The following VPS13B variants were observed in gnomAD, a reference collection of about 807,000 sequenced individuals.
The protein encoded by VPS13B is vacuolar protein sorting 13 homolog B, also known as intermembrane lipid transfer protein VPS13B.
A neutral mutation model predicts 426.4 loss-of-function variants in VPS13B; 285 were observed. The observed-to-expected ratio is 0.67, with a 90% CI of 0.61 to 0.74. VPS13B has a LOEUF of 0.74. Ranked by LOEUF, VPS13B falls within the 30% of genes least tolerant of loss-of-function variation. VPS13B has a pLI of 0.00. For synonymous variants in VPS13B, 1,676 were observed against 1,676.4 expected (o/e 1.00, Z 0.01); for missense variants, 4,537 against 4,782.6 (o/e 0.95, Z 1.51).
intron 16 of VPS13B, among the ~76,000 whole-genome samples, chr8:99,176,760 A>C (rs1241548466): frequency 6.6e-6 from 1 of 152,212 alleles, no homozygotes; most frequent in South Asian, 2.1e-4. Flanking sequence ...CAGGATTGCT[A>C]TAAGAAAGGA....
At chr8:99,786,134 T>C (rs1253161741) in intron 43 of VPS13B, among the ~76,000 whole-genome samples, 1 of 152,046 alleles carries the variant, frequency 6.6e-6, no homozygotes, top group Non-Finnish European at 1.5e-5. Context: ...AGCAGTAGTC[T>C]TCATGCTATA....
At chr8:99,554,031 A>G (rs1174144492) in intron 30 of VPS13B, among the ~76,000 whole-genome samples, 2 of 149,384 alleles carry the variant, frequency 1.3e-5, no homozygotes, top group Non-Finnish European at 3.0e-5. Flanking sequence ...TTTAAGTCCA[A>G]AAAAAAAATG....
At chr8:99,745,712 G>A (rs1810047330) in intron 39 of VPS13B, among the ~76,000 whole-genome samples, 1 of 152,032 alleles carries the variant, frequency 6.6e-6, no homozygotes, top group Admixed American at 6.6e-5. Flanking sequence ...TGTAATTAGT[G>A]TAATAAACTC....
At chr8:99,870,456 C>CCTAT (rs756814801) in intron 59 of VPS13B, among the ~76,000 whole-genome samples, 11 of 152,166 alleles carry the variant, frequency 7.2e-5, no homozygotes, top group Admixed American at 2.0e-4. Flanking sequence ...CCACACCAGA[C>CCTAT]CTATCTAGAC....
chr8:99,277,935 G>A (rs917750482), intron 19 of VPS13B, among the ~76,000 whole-genome samples: 1 of 152,160 alleles, frequency 6.6e-6, no homozygotes, highest in African/African-American at 2.4e-5. Flanking sequence ...GCTTTTTGAA[G>A]TTGAAGTATC....
intron 17 of VPS13B, among the ~76,000 whole-genome samples, chr8:99,242,557 G>T (rs1816990671): frequency 6.6e-6 from 1 of 152,040 alleles, no homozygotes; most frequent in African/African-American, 2.4e-5. Flanking sequence ...TTTCTTATTA[G>T]AAAATTTTAA....
At chr8:99,844,966 G>A (rs1440646406) in intron 54 of VPS13B, among the ~76,000 whole-genome samples, 5 of 152,072 alleles carry the variant, frequency 3.3e-5, no homozygotes, top group Non-Finnish European at 7.4e-5. Flanking sequence ...CTGATGCTTG[G>A]TTTTCAGACC....
At chr8:99,821,137 C>T (rs1315587383) in intron 49 of VPS13B, among the ~76,000 whole-genome samples, 157 bp from the exon 50 acceptor site, 1 of 148,544 alleles carries the variant, frequency 6.7e-6, no homozygotes, top group African/African-American at 2.5e-5. Flanking sequence ...CACACACACA[C>T]ACACACACAC....
intron 35 of VPS13B, among the ~76,000 whole-genome samples, chr8:99,671,645 G>GGTTT: frequency 6.6e-6 from 1 of 151,898 alleles, no homozygotes; most frequent in Non-Finnish European, 1.5e-5. Flanking sequence ...GAAGCTTTTG[G>GGTTT]GTTTGTTTGT....
chr8:99,643,940 C>G lies in VPS13B; in HGVS notation c.5908+1442C>G, dbSNP rs1345877540. Among the ~76,000 whole-genome samples the G allele has an allele frequency of 3.3e-5, 5 of 152,324 alleles. No homozygotes were observed. The East Asian group carries it at 9.7e-4, about 29-fold the overall frequency. On this transcript the variant is annotated intron_variant, in intron 34 of 61. Coordinates refer to ENST00000357162, the MANE Select transcript of VPS13B (RefSeq NM_152564.5). Reference sequence around the variant, plus strand: ...GAACTCATGCCTATATACCTGATACCTGCTTGCAAGTCTGCTTGGCGTTAG... The same window carrying G: ...GAACTCATGCCTATATACCTGATACGTGCTTGCAAGTCTGCTTGGCGTTAG...
chr8:99,743,413 A>T (rs1809875043), intron 39 of VPS13B, among the ~76,000 whole-genome samples: 1 of 151,928 alleles, frequency 6.6e-6, no homozygotes, highest in Admixed American at 6.6e-5. Flanking sequence ...TAATTTATAG[A>T]TTCAATGCCA....
intron 44 of VPS13B, among the ~76,000 whole-genome samples, chr8:99,812,185 A>G (rs922568533): frequency 1.3e-5 from 2 of 152,252 alleles, no homozygotes; most frequent in Non-Finnish European, 2.9e-5. Flanking sequence ...ACTCACTCAG[A>G]TACACACACC....
chr8:99,069,278 A>G (rs942907866), intron 3 of VPS13B, among the ~76,000 whole-genome samples: 1 of 152,134 alleles, frequency 6.6e-6, no homozygotes, highest in Non-Finnish European at 1.5e-5. Context: ...ACAAAACAGT[A>G]CAAAAATTAG....
At chr8:99,795,894 A>C (rs895461383) in intron 43 of VPS13B, among the ~76,000 whole-genome samples, 4 of 152,196 alleles carry the variant, frequency 2.6e-5, no homozygotes, top group Non-Finnish European at 4.4e-5. Flanking sequence ...GAAGTCATTC[A>C]TTGTTTTATT....
At chr8:99,142,329 C>CA (rs1382336815) in intron 12 of VPS13B, among the ~76,000 whole-genome samples, 1 of 151,954 alleles carries the variant, frequency 6.6e-6, no homozygotes, top group Non-Finnish European at 1.5e-5. Context: ...TTCATGTATA[C>CA]AAAAAACCTC....
At chr8:99,478,447 G>GTTTTTTTTTTTTTTGTTTTTTTTT (rs1819825305) in intron 24 of VPS13B, among the ~76,000 whole-genome samples, 2 of 85,776 alleles carry the variant, frequency 2.3e-5, no homozygotes, top group African/African-American at 1.0e-4. Flanking sequence ...TTTTTGTTTT[G>GTTTTTTTTTTTTTTGTTTTTTTTT]TTTTTTTTTT....
In VPS13B at chr8:99,497,450, A is replaced by T. The variant is rs962024690; in HGVS notation, c.3871-4237A>T. On this transcript the variant is annotated intron_variant, in intron 25 of 61. Transcript: ENST00000357162. ...TTTACTCTACCTAAAGTAAGAATTG[A>T]TATATTAACTACTCAATGTTTGGAA... 4.7e-5 allele frequency among the ~76,000 whole-genome samples: 7 copies of T among 149,482 alleles called. No homozygotes were observed. The South Asian group carries it at 8.5e-4, about 18-fold the overall frequency.
chr8:99,853,394 A>G, intron 55 of VPS13B, 57 bp from the exon 56 acceptor site: 12 of 1,580,274 alleles, frequency 7.6e-6, no homozygotes, highest in Non-Finnish European at 1.0e-5. Flanking sequence ...AAAAAGAAAG[A>G]AGAGAGAAAG....
At chr8:99,204,242 A>G (rs992544824) in intron 17 of VPS13B, among the ~76,000 whole-genome samples, 2 of 152,232 alleles carry the variant, frequency 1.3e-5, no homozygotes, top group African/African-American at 2.4e-5. Context: ...AAACCCGACA[A>G]AAACTAGCAA....
Sources: gnomAD v4.1 joint callset for allele counts (sites outside exome capture counted in the v4.1 genomes callset) on GRCh38, gnomAD v4.1.1 for gene constraint, MANE v1.5 for transcripts, NCBI Gene and HGNC (gene_info 2026-07-23, HGNC 2026-07-21) for gene names.